The following GRIK3 variants were observed in gnomAD, a reference collection of about 807,000 sequenced individuals.
GRIK3 encodes glutamate ionotropic receptor kainate type subunit 3, also known as glutamate receptor ionotropic, kainate 3.
Under a neutral mutation model 102.5 loss-of-function variants are expected in GRIK3, and 29 were observed. The observed-to-expected ratio is 0.28, with a 90% CI of 0.21 to 0.39. The LOEUF is 0.39. Ranked by LOEUF, GRIK3 falls within the 10% of genes least tolerant of loss-of-function variation. The pLI, the probability that GRIK3 is intolerant of heterozygous loss-of-function variation, is 1.00. For synonymous variants in GRIK3, 511 were observed against 504.9 expected (o/e 1.01, Z -0.16); for missense variants, 908 against 1,252.4 (o/e 0.73, Z 4.15).
At chr1:36,940,790 C>G (rs1641711327) in intron 1 of GRIK3, among the ~76,000 whole-genome samples, 1 of 152,192 alleles carries the variant, frequency 6.6e-6, no homozygotes, top group Admixed American at 6.5e-5. Flanking sequence ...AAACAGAGCT[C>G]ACACTCATGG....
At chr1:36,929,954 C>T (rs1356685049) in intron 1 of GRIK3, among the ~76,000 whole-genome samples, 2 of 152,208 alleles carry the variant, frequency 1.3e-5, no homozygotes, top group Non-Finnish European at 2.9e-5. Context: ...GTGGCTGGCA[C>T]AGTGGCGCTC....
intron 4 of GRIK3, among the ~76,000 whole-genome samples, chr1:36,871,688 T>C (rs1305366932): frequency 6.6e-6 from 1 of 152,232 alleles, no homozygotes; most frequent in Non-Finnish European, 1.5e-5. Flanking sequence ...ACTGCAGAGC[T>C]GAGCAGATGG....
intron 1 of GRIK3, among the ~76,000 whole-genome samples, chr1:36,991,367 C>A (rs1214447029): frequency 6.6e-6 from 1 of 152,224 alleles, no homozygotes; most frequent in Non-Finnish European, 1.5e-5. Flanking sequence ...TCTTCCTTAA[C>A]TTCTGCATTT....
chr1:36,899,220 A>G (rs1641206382), intron 1 of GRIK3, among the ~76,000 whole-genome samples: 1 of 152,188 alleles, frequency 6.6e-6, no homozygotes, highest in South Asian at 2.1e-4. Context: ...ATCAAAAGAC[A>G]CTATTAACAG....
intron 1 of GRIK3, among the ~76,000 whole-genome samples, chr1:36,926,296 T>C (rs1641526513): frequency 2.0e-5 from 3 of 151,960 alleles, no homozygotes; most frequent in Non-Finnish European, 4.4e-5. Context: ...ATTGGGGAGG[T>C]GAAGTCCAAG....
At chr1:36,914,676 G>A (rs1240226112) in intron 1 of GRIK3, among the ~76,000 whole-genome samples, 4 of 152,176 alleles carry the variant, frequency 2.6e-5, no homozygotes, top group African/African-American at 9.6e-5. Context: ...AGACACACAA[G>A]AAGAATAAGA....
chr1:36,880,630 C>A lies in GRIK3; in HGVS notation c.550+4G>T. The A allele has an allele frequency of 6.2e-7, 1 of 1,613,694 alleles. No individual in the cohort carries two copies. Among genetic ancestry groups the A allele is most frequent in the Non-Finnish European group, 8.5e-7 (1 of 1,179,630 alleles). On this transcript the variant is annotated splice_donor_region_variant and intron_variant, in intron 3 of 15. Transcript: ENST00000373091. The surrounding 1 kb of genome is among the most constrained non-coding windows in gnomAD (Gnocchi z 5.4). ...CCCCAGCCTAGCCAGGCCTGGCCAC[C>A]CACCTGTACTGTCGTCATAGACCAC...
chr1:36,948,642 A>T (rs1641809510), intron 1 of GRIK3, among the ~76,000 whole-genome samples: 1 of 152,162 alleles, frequency 6.6e-6, no homozygotes, highest in Admixed American at 6.5e-5. Flanking sequence ...CTGGCAAATT[A>T]TGAGCGCATG....
intron 1 of GRIK3, among the ~76,000 whole-genome samples, chr1:36,900,634 C>T (rs544585968): frequency 6.6e-6 from 1 of 152,072 alleles, no homozygotes; most frequent in South Asian, 2.1e-4. Context: ...AAGTTTCTAC[C>T]TCAGGAAACT....
At chr1:36,997,341 C>A (rs1570853997) in intron 1 of GRIK3, among the ~76,000 whole-genome samples, 1 of 152,328 alleles carries the variant, frequency 6.6e-6, no homozygotes, top group African/African-American at 2.4e-5. Flanking sequence ...TGGGCTGTAA[C>A]AAGCCAGGCT....
chr1:36,940,527 G>T (rs1434026149), intron 1 of GRIK3, among the ~76,000 whole-genome samples: 1 of 152,214 alleles, frequency 6.6e-6, no homozygotes, highest in Non-Finnish European at 1.5e-5. Context: ...CTGGGTCTCT[G>T]GAGCATCTTG....
chr1:36,822,379 A>G (rs1642704877), intron 11 of GRIK3, among the ~76,000 whole-genome samples: 1 of 152,182 alleles, frequency 6.6e-6, no homozygotes, highest in South Asian at 2.1e-4. Context: ...AGGTGAAAGC[A>G]TGCACGGTGC....
At chr1:36,942,320 G>A (rs1641731647) in intron 1 of GRIK3, among the ~76,000 whole-genome samples, 1 of 152,210 alleles carries the variant, frequency 6.6e-6, no homozygotes, top group Non-Finnish European at 1.5e-5. Flanking sequence ...CTTAGGAAAG[G>A]GCCGAGCTGA....
chr1:36,859,288 G>C (rs770943391), intron 6 of GRIK3, 37 bp from the exon 7 acceptor site: 6 of 1,578,306 alleles, frequency 3.8e-6, no homozygotes, highest in Admixed American at 1.7e-5. Context: ...GGCTCCCAAG[G>C]CCCTCCAGTC....
At chr1:36,958,478 C>T in intron 1 of GRIK3, among the ~76,000 whole-genome samples, 1 of 142,970 alleles carries the variant, frequency 7.0e-6, no homozygotes, top group East Asian at 2.2e-4. Flanking sequence ...CCCCCTAAGT[C>T]TGTGTGCTCT....
intron 1 of GRIK3, among the ~76,000 whole-genome samples, chr1:36,916,547 G>T (rs547533291): frequency 6.6e-6 from 1 of 152,144 alleles, no homozygotes; most frequent in Non-Finnish European, 1.5e-5. Context: ...CCGGGCTCAG[G>T]GTTCCAGTGC....
intron 1 of GRIK3, among the ~76,000 whole-genome samples, chr1:37,021,629 A>G (rs1642715779): frequency 2.0e-5 from 3 of 152,338 alleles, no homozygotes; most frequent in Admixed American, 2.0e-4. Context: ...TGTCACCTCT[A>G]TTAAACTGGG....
Position 36,805,172 on chromosome 1 carries a change from T to C in GRIK3, c.2380A>G (p.Ile794Val), listed in dbSNP as rs1237026697. Residue 794 changes from isoleucine (I) to valine (V), a missense_variant, in exon 15 of 16, where the codon ATC (isoleucine) becomes GTC (valine). This residue lies in a region of GRIK3 where 297 missense variants were observed against 362.7 expected (regional missense o/e 0.82). Transcript: ENST00000373091. ...LQLQEEDKLH[I>V]MKEKWWRGSG... ...CCCCGCCACCACTTCTCCTTCATGA[T>C]ATGCAGCTTGTCCTCCTCCTGAAGC... 1.5e-5 allele frequency: 24 copies of C among 1,614,030 alleles called. No individual in the cohort carries two copies. The highest frequency in any genetic ancestry group is 2.0e-5 in the Non-Finnish European group (24 of 1,180,016).
intron 1 of GRIK3, among the ~76,000 whole-genome samples, chr1:36,943,233 G>T (rs1002337407): frequency 1.3e-5 from 2 of 151,970 alleles, no homozygotes; most frequent in East Asian, 1.9e-4. Flanking sequence ...TTGGGGGTTG[G>T]GGGGGCTGGG....
Sources: allele counts gnomAD v4.1 joint callset (sites outside exome capture counted in the v4.1 genomes callset), GRCh38; gene constraint gnomAD v4.1.1; regional missense constraint gnomAD v4.1.1; non-coding constraint Gnocchi (gnomAD v3.1); transcripts MANE v1.5; gene names NCBI Gene and HGNC (gene_info 2026-07-23, HGNC 2026-07-21).